SNTG2: variants seen among roughly 807,000 people sequenced by gnomAD.
SNTG2 encodes the protein gamma-2-syntrophin.
A neutral mutation model predicts 70.9 loss-of-function variants in SNTG2; 74 were observed. The ratio of observed to expected loss-of-function variants is 1.04; its 90% confidence interval spans 0.86 to 1.27. SNTG2 has a LOEUF of 1.27. Among genes scored for constraint, SNTG2 ranks in the 50% most tolerant of loss-of-function variants. The probability of loss-of-function intolerance (pLI) is 0.00; values close to 1 mark genes in which losing one functional copy is unlikely to be tolerated. For synonymous variants in SNTG2, 278 were observed against 273.8 expected, an observed-to-expected ratio of 1.02 and a Z score of -0.15; for missense variants, 717 against 690.7, an observed-to-expected ratio of 1.04 and a Z score of -0.43.
intron 14 of SNTG2, among the ~76,000 whole-genome samples, chr2:1,273,148 ACCAAGCTGTCATCCTT>A (rs1679124541): frequency 2.0e-5 from 3 of 152,224 alleles, no homozygotes; most frequent in South Asian, 4.1e-4. Context: ...ACTGAGGCAA[ACCAAGCTGTCATCCTT>A]CCACACAGCT....
chr2:1,089,658 CAT>C (rs1664896026), intron 2 of SNTG2, among the ~76,000 whole-genome samples: 1 of 152,170 alleles, frequency 6.6e-6, no homozygotes, highest in African/African-American at 2.4e-5. Flanking sequence ...TAATAGTTTA[CAT>C]ATGTTTGTGT....
chr2:1,089,955 C>G (rs2148189156), intron 2 of SNTG2, among the ~76,000 whole-genome samples: 1 of 152,254 alleles, frequency 6.6e-6, no homozygotes, highest in South Asian at 2.1e-4. Context: ...CATCTGGAGC[C>G]TGACTGCTTC....
intron 1 of SNTG2, among the ~76,000 whole-genome samples, chr2:1,038,330 A>G (rs1661248144): frequency 6.6e-6 from 1 of 152,230 alleles, no homozygotes; most frequent in Non-Finnish European, 1.5e-5. Flanking sequence ...GAATGAACCT[A>G]GGAGTTTCTA....
At chr2:1,157,846 C>G (rs1572596804) in intron 6 of SNTG2, among the ~76,000 whole-genome samples, 1 of 152,162 alleles carries the variant, frequency 6.6e-6, no homozygotes, top group East Asian at 1.9e-4. Context: ...CCGCAATGCT[C>G]TGGGAGGTTT....
At chr2:960,867 G>T (rs887609321) in intron 1 of SNTG2, among the ~76,000 whole-genome samples, 12 of 152,158 alleles carry the variant, frequency 7.9e-5, no homozygotes, top group African/African-American at 2.9e-4. Flanking sequence ...GTTCTGAAGG[G>T]GGTGCTCCTA....
intron 4 of SNTG2, among the ~76,000 whole-genome samples, chr2:1,109,175 C>T (rs1204843362): frequency 3.3e-5 from 5 of 152,062 alleles, no homozygotes; most frequent in African/African-American, 1.2e-4. Flanking sequence ...GCAAAAGCGG[C>T]TTGCGAAGTC....
Position 1,316,267 on chromosome 2 carries a change from T to C in SNTG2, c.1380T>C (p.Asn460=). ...GFTCFESKTK[N]VLWRFKFSQL... is the part of the protein sequence containing the mutation. ...TAATTAATTTTATTCCTTTACAGAA[T>C]GTGCTCTGGAGATTTAAATTTTCCC... Residue 460 remains asparagine (N), a splice_region_variant and synonymous_variant, in exon 16 of 17, where the codon AAT becomes AAC. Transcript: ENST00000308624. 1 of 1,483,222 alleles carries C rather than the reference T, an allele frequency of 6.7e-7. No individual in the cohort carries two copies. Among genetic ancestry groups the C allele is most frequent in the Non-Finnish European group, 9.2e-7 (1 of 1,089,020 alleles). 91.9% of individuals were successfully genotyped at this position (1,483,222 alleles called of 1,614,324 possible).
At chr2:971,027 A>G (rs1366467717) in intron 1 of SNTG2, among the ~76,000 whole-genome samples, 1 of 152,244 alleles carries the variant, frequency 6.6e-6, no homozygotes, top group Non-Finnish European at 1.5e-5. Flanking sequence ...GTGGAGAAAT[A>G]GGAACACTTT....
intron 16 of SNTG2, among the ~76,000 whole-genome samples, chr2:1,338,579 T>C (rs1659931708): frequency 6.6e-6 from 1 of 152,228 alleles, no homozygotes; most frequent in African/African-American, 2.4e-5. Context: ...TCTGTCTCTA[T>C]GAATTTGCTT....
At chr2:1,279,845 T>G (rs977087562) in intron 14 of SNTG2, among the ~76,000 whole-genome samples, 1 of 152,194 alleles carries the variant, frequency 6.6e-6, no homozygotes, top group Non-Finnish European at 1.5e-5. Context: ...CTAGATACAT[T>G]GTATATGAGA....
intron 1 of SNTG2, among the ~76,000 whole-genome samples, chr2:1,038,110 A>G (rs553862272): frequency 6.6e-6 from 1 of 152,236 alleles, no homozygotes; most frequent in Non-Finnish European, 1.5e-5. Context: ...CGTTGTCAAA[A>G]CCTGGCCCTA....
intron 4 of SNTG2, among the ~76,000 whole-genome samples, chr2:1,101,276 G>A (rs1382334799): frequency 3.3e-5 from 5 of 152,078 alleles, no homozygotes; most frequent in African/African-American, 1.2e-4. Context: ...CCAGGCCCAG[G>A]CCCAGGCCCA....
chr2:1,083,127 T>A (rs1443647186), intron 1 of SNTG2, among the ~76,000 whole-genome samples: 2 of 151,776 alleles, frequency 1.3e-5, no homozygotes, highest in Non-Finnish European at 2.9e-5. Flanking sequence ...ACACAGATAT[T>A]TTATGAATCT....
chr2:1,172,823 A>G (rs1322924335), intron 7 of SNTG2, among the ~76,000 whole-genome samples: 2 of 152,108 alleles, frequency 1.3e-5, no homozygotes, highest in Non-Finnish European at 2.9e-5. Context: ...CTGGGGGCAC[A>G]CCTTCCTGAT....
At chr2:1,365,683 G>A (rs1012136549) in intron 16 of SNTG2, among the ~76,000 whole-genome samples, 4 of 152,120 alleles carry the variant, frequency 2.6e-5, no homozygotes, top group Non-Finnish European at 4.4e-5. Flanking sequence ...CCCTCTCCCT[G>A]TCATCTGTAC....
At chr2:1,018,019 ATTTCGTGCATG>A (rs1659964858) in intron 1 of SNTG2, among the ~76,000 whole-genome samples, 1 of 152,126 alleles carries the variant, frequency 6.6e-6, no homozygotes, top group African/African-American at 2.4e-5. Context: ...CCCTTTCAGA[ATTTCGTGCATG>A]TATCTGGCAT....
chr2:1,071,660 A>C (rs940080003), intron 1 of SNTG2, among the ~76,000 whole-genome samples: 52 of 151,976 alleles, frequency 3.4e-4, no homozygotes, highest in African/African-American at 1.1e-3. Context: ...TAAAAAAAAA[A>C]AAACTAGAGA....
In SNTG2 at chr2:1,237,979, G is replaced by A; in HGVS notation, c.811G>A (p.Ala271Thr). The A allele has an allele frequency of 6.2e-7, 1 of 1,610,138 alleles. No individual in the cohort carries two copies. The highest frequency in any genetic ancestry group is 8.5e-7 in the Non-Finnish European group (1 of 1,178,630). Residue 271 changes from alanine (A) to threonine (T), a missense_variant, in exon 10 of 17, where the codon GCG becomes ACG. Transcript: ENST00000308624. ...CCAGGATGGCACCGACTGGCTGCGG[G>A]CGGTCTCAGCCAACATCAGGGAGCT... ...TAQDGTDWLR[A>T]VSANIRELTL...
chr2:1,319,435 C>G (rs1012544121), intron 16 of SNTG2, among the ~76,000 whole-genome samples: 2 of 152,184 alleles, frequency 1.3e-5, no homozygotes, highest in Non-Finnish European at 2.9e-5. Context: ...TATGTCCCAA[C>G]AAACCCAAAC....
Sources: gnomAD v4.1 joint callset for allele counts (sites outside exome capture counted in the v4.1 genomes callset) on GRCh38, gnomAD v4.1.1 for gene constraint, MANE v1.5 for transcripts, NCBI Gene and HGNC (gene_info 2026-07-23, HGNC 2026-07-21) for gene names.